Variants in KCTD8 observed in about 807,000 individuals in gnomAD.
The protein encoded by KCTD8 is BTB/POZ domain-containing protein KCTD8.
KCTD8 carries 27 observed loss-of-function variants against 31.5 expected under a neutral mutation model. The observed-to-expected ratio is 0.86, with a 90% CI of 0.63 to 1.18. The LOEUF (loss-of-function observed/expected upper bound fraction) is 1.18, where lower values mean the gene tolerates loss of function less well. Ranked by LOEUF, KCTD8 falls within the 50% of genes most tolerant of loss-of-function variation. The pLI, the probability that KCTD8 is intolerant of heterozygous loss-of-function variation, is 0.00. For missense variants in KCTD8, 658 were observed against 647.7 expected (o/e 1.02, Z -0.17); for synonymous variants, 290 against 280.0 (o/e 1.04, Z -0.36).
At chr4:44,340,812 A>G (rs953496883) in intron 1 of KCTD8, among the ~76,000 whole-genome samples, 3 of 152,180 alleles carry the variant, frequency 2.0e-5, no homozygotes, top group African/African-American at 4.8e-5. Flanking sequence ...GATAACAATC[A>G]GAAGAGTGCT....
chr4:44,426,313 C>A (rs868825162), intron 1 of KCTD8, among the ~76,000 whole-genome samples: 35 of 137,782 alleles, frequency 2.5e-4, no homozygotes, highest in Middle Eastern at 7.2e-3. Context: ...TCAAACCCAC[C>A]AAAAAAAATT....
chr4:44,265,695 TA>T (rs1330004570), intron 1 of KCTD8, among the ~76,000 whole-genome samples: 4 of 152,000 alleles, frequency 2.6e-5, no homozygotes, highest in African/African-American at 7.2e-5. Context: ...GAGAAGTGCT[TA>T]AAGGAGCTGA....
intron 1 of KCTD8, among the ~76,000 whole-genome samples, chr4:44,374,473 G>A (rs1719869636): frequency 6.6e-6 from 1 of 152,138 alleles, no homozygotes; most frequent in African/African-American, 2.4e-5. Context: ...TCTTATCATT[G>A]TGTGTTCACT....
chr4:44,288,653 C>T (rs1432141765), intron 1 of KCTD8, among the ~76,000 whole-genome samples: 1 of 152,028 alleles, frequency 6.6e-6, no homozygotes, highest in Non-Finnish European at 1.5e-5. Flanking sequence ...TGAAGAAACA[C>T]TCATTTCAAG....
intron 1 of KCTD8, among the ~76,000 whole-genome samples, chr4:44,393,554 A>G (rs1411985744): frequency 1.3e-5 from 2 of 151,262 alleles, no homozygotes; most frequent in Non-Finnish European, 3.0e-5. Context: ...GAGGTCTACT[A>G]CCTACTCACA....
chr4:44,242,233 C>G (rs912723062), intron 1 of KCTD8, among the ~76,000 whole-genome samples: 1 of 152,168 alleles, frequency 6.6e-6, no homozygotes, highest in Non-Finnish European at 1.5e-5. Context: ...GTGATGGGTA[C>G]AATTATTTTA....
intron 1 of KCTD8, among the ~76,000 whole-genome samples, chr4:44,408,400 C>T (rs1720856673): frequency 6.6e-6 from 1 of 152,090 alleles, no homozygotes; most frequent in East Asian, 1.9e-4. Context: ...ACATTGTATG[C>T]ATTTTGAAAA....
At chr4:44,246,330 GC>G (rs1399616721) in intron 1 of KCTD8, among the ~76,000 whole-genome samples, 1 of 151,860 alleles carries the variant, frequency 6.6e-6, no homozygotes, top group East Asian at 1.9e-4. Flanking sequence ...CTATATTTTA[GC>G]CCGTATTTCT....
At chr4:44,422,923 T>C (rs1175000215) in intron 1 of KCTD8, among the ~76,000 whole-genome samples, 1 of 151,994 alleles carries the variant, frequency 6.6e-6, no homozygotes, top group Non-Finnish European at 1.5e-5. Context: ...GTTACTGATG[T>C]TGTTGTTGGT....
chr4:44,187,810 G>A (rs1266586467), intron 1 of KCTD8, among the ~76,000 whole-genome samples: 1 of 152,118 alleles, frequency 6.6e-6, no homozygotes, highest in Non-Finnish European at 1.5e-5. Context: ...GTACACTTAT[G>A]AGGGCTGTGT....
At chr4:44,197,341 G>A (rs891961338) in intron 1 of KCTD8, among the ~76,000 whole-genome samples, 1 of 152,104 alleles carries the variant, frequency 6.6e-6, no homozygotes, top group Non-Finnish European at 1.5e-5. Flanking sequence ...GAGCCCCACA[G>A]CCTGGAACAA....
intron 1 of KCTD8, among the ~76,000 whole-genome samples, chr4:44,416,120 G>A (rs1721073889): frequency 6.6e-6 from 1 of 152,182 alleles, no homozygotes; most frequent in Non-Finnish European, 1.5e-5. Flanking sequence ...GGAGTCAAAG[G>A]AGATTATTTT....
At chr4:44,223,994 A>G (rs1310676294) in intron 1 of KCTD8, among the ~76,000 whole-genome samples, 2 of 152,194 alleles carry the variant, frequency 1.3e-5, no homozygotes, top group Non-Finnish European at 2.9e-5. Flanking sequence ...AGACTAAAAT[A>G]TTCCAAAATT....
intron 1 of KCTD8, among the ~76,000 whole-genome samples, chr4:44,410,222 A>T (rs965375376): frequency 6.6e-6 from 1 of 152,190 alleles, no homozygotes. Context: ...AATTATACAG[A>T]AATTGCCTTC....
intron 1 of KCTD8, among the ~76,000 whole-genome samples, chr4:44,416,607 G>C (rs1337184291): frequency 1.3e-5 from 2 of 152,026 alleles, no homozygotes; most frequent in Non-Finnish European, 2.9e-5. Context: ...CTCAAGATTT[G>C]GTTGTTTAAA....
At chr4:44,320,425 A>T (rs1425850620) in intron 1 of KCTD8, among the ~76,000 whole-genome samples, 2 of 152,086 alleles carry the variant, frequency 1.3e-5, no homozygotes, top group Non-Finnish European at 2.9e-5. Flanking sequence ...TTCAATTAAA[A>T]TCTCATTTTA....
intron 1 of KCTD8, among the ~76,000 whole-genome samples, chr4:44,178,927 T>C (rs1461533409): frequency 6.6e-6 from 1 of 152,200 alleles, no homozygotes; most frequent in Non-Finnish European, 1.5e-5. Flanking sequence ...GTACCCACCA[T>C]GTGCCAGACA....
intron 1 of KCTD8, among the ~76,000 whole-genome samples, chr4:44,274,583 A>C (rs1187040198): frequency 1.3e-5 from 2 of 151,882 alleles, no homozygotes; most frequent in East Asian, 1.9e-4. Flanking sequence ...TTGAATTATC[A>C]AATTGTATTG....
chr4:44,435,170 A>G (rs984567024), intron 1 of KCTD8, among the ~76,000 whole-genome samples: 2 of 151,966 alleles, frequency 1.3e-5, no homozygotes, highest in Non-Finnish European at 2.9e-5. Flanking sequence ...TTCAATTCAT[A>G]TAGTACAATT....
Sources: allele counts gnomAD v4.1 joint callset (sites outside exome capture counted in the v4.1 genomes callset), GRCh38; gene constraint gnomAD v4.1.1; transcripts MANE v1.5; gene names NCBI Gene and HGNC (gene_info 2026-07-23, HGNC 2026-07-21).